The following CUBN variants were observed in gnomAD, a reference collection of about 807,000 sequenced individuals.
CUBN encodes the protein cubilin, also known as 460 kDa receptor.
A neutral mutation model predicts 405.3 loss-of-function variants in CUBN; 282 were observed. That is an observed-to-expected ratio of 0.70 (90% CI 0.63 to 0.77). The LOEUF (loss-of-function observed/expected upper bound fraction) is 0.77, where lower values mean the gene tolerates loss of function less well. Ranked by LOEUF, CUBN falls within the 30% of genes least tolerant of loss-of-function variation. The pLI is 0.00. For missense variants in CUBN, 4,514 were observed against 4,475.2 expected (o/e 1.01, Z -0.25); for synonymous variants, 1,684 against 1,617.0 (o/e 1.04, Z -0.99).
chr10:17,000,944 T>C (rs564330424), intron 28 of CUBN, among the ~76,000 whole-genome samples: 5 of 152,236 alleles, frequency 3.3e-5, no homozygotes, highest in Non-Finnish European at 7.3e-5. Flanking sequence ...GCCACGGACC[T>C]GAACAGTGAG....
chr10:17,055,658 T>C (rs1476843820), intron 22 of CUBN, among the ~76,000 whole-genome samples: 2 of 152,162 alleles, frequency 1.3e-5, no homozygotes, highest in East Asian at 1.9e-4. Flanking sequence ...ATAGCATATA[T>C]AATATGGCAT....
chr10:17,016,659 C>A (rs1834336464), intron 28 of CUBN, among the ~76,000 whole-genome samples: 1 of 152,108 alleles, frequency 6.6e-6, no homozygotes, highest in Non-Finnish European at 1.5e-5. Context: ...CCTTCCCCTA[C>A]AGCTTGAAGG....
In CUBN at chr10:17,084,459, C is replaced by T; in HGVS notation, c.2113G>A (p.Asp705Asn). The change falls in exon 17 of 67, where the codon GAT (aspartate) becomes AAT (asparagine). Residue 705 changes from aspartate (D) to asparagine (N), a missense_variant and splice_region_variant. By Grantham distance (23) the Asp-to-Asn change is conservative. Coordinates refer to ENST00000377833, the MANE Select transcript of CUBN (RefSeq NM_001081.4). ...GTGTAGTTCCCACCACAACGCAGAT[C>T]CGCTAAGAACAGGGAAGAGACGAAC... ...FHITYLTSPS[D>N]LRCGGNYTDP... 1 of 1,612,828 alleles carries T rather than the reference C, an allele frequency of 6.2e-7. No homozygotes were observed. Among genetic ancestry groups the T allele is most frequent in the South Asian group, 1.1e-5 (1 of 90,944 alleles).
chr10:16,894,127 G>T (rs1241426593), intron 54 of CUBN, among the ~76,000 whole-genome samples: 2 of 152,116 alleles, frequency 1.3e-5, no homozygotes, highest in African/African-American at 2.4e-5. Context: ...TTACATAGTA[G>T]TACATTGCCT....
chr10:17,078,862 T>C (rs988584218), intron 17 of CUBN, among the ~76,000 whole-genome samples: 1 of 152,174 alleles, frequency 6.6e-6, no homozygotes, highest in Non-Finnish European at 1.5e-5. Flanking sequence ...GAATTTGTAA[T>C]GTTCTTGATA....
chr10:16,952,936 G>A (rs745963873), intron 32 of CUBN, among the ~76,000 whole-genome samples: 26 of 152,198 alleles, frequency 1.7e-4, no homozygotes, highest in Non-Finnish European at 3.7e-4. Context: ...AGGCCAGGGA[G>A]GGGACTGCCT....
At chr10:17,029,782 T>C (rs1834751007) in intron 27 of CUBN, among the ~76,000 whole-genome samples, 1 of 152,170 alleles carries the variant, frequency 6.6e-6, no homozygotes, top group Admixed American at 6.5e-5. Flanking sequence ...AGACAAAATC[T>C]CATCTGCTTC....
At chr10:16,914,928 GT>G in intron 47 of CUBN, 103 bp downstream of exon 47, 1 of 996,274 alleles carries the variant, frequency 1.0e-6, no homozygotes. Flanking sequence ...GAAAATAGGG[GT>G]CATGTTTTGT....
intron 56 of CUBN, 89 bp from the exon 57 acceptor site, chr10:16,877,186 C>T (rs1840535197): frequency 9.4e-7 from 1 of 1,063,002 alleles, no homozygotes; most frequent in South Asian, 1.4e-5. Context: ...GTGATGATGA[C>T]TCATGCAATT....
chr10:16,897,800 C>T (rs1022169888), intron 54 of CUBN, among the ~76,000 whole-genome samples: 1 of 152,270 alleles, frequency 6.6e-6, no homozygotes, highest in Middle Eastern at 3.4e-3. Flanking sequence ...GTGCTTCCCA[C>T]GGCCACTTAT....
chr10:17,092,670 A>G (rs1325098598), intron 14 of CUBN, among the ~76,000 whole-genome samples: 1 of 152,174 alleles, frequency 6.6e-6, no homozygotes, highest in African/African-American at 2.4e-5. Context: ...GACAGTTTAC[A>G]AATGCCATGG....
chr10:16,828,857 AGT>A lies in CUBN; in HGVS notation c.10710_10711del (p.Tyr3572Ter). On this transcript the variant is annotated frameshift_variant, in exon 66 of 67. Coordinates refer to ENST00000377833, the MANE Select transcript of CUBN (RefSeq NM_001081.4). LOFTEE classifies it high-confidence loss of function. ...AGAGCTGGCGTTGGGCCCATCATAG[AGT>A]GTGAGATAGTTCTGGACACAGTCTC... The A allele has an allele frequency of 3.1e-6, 5 of 1,614,166 alleles. No homozygotes were observed. The highest frequency in any genetic ancestry group is 4.2e-6 in the Non-Finnish European group (5 of 1,180,012).
chr10:16,837,372 C>A (rs759770731), intron 62 of CUBN, among the ~76,000 whole-genome samples: 1 of 152,122 alleles, frequency 6.6e-6, no homozygotes, highest in Non-Finnish European at 1.5e-5. Context: ...CGTCTCAAAG[C>A]TGGTTCTCCT....
At chr10:16,967,878 A>C (rs1387859199) in intron 31 of CUBN, among the ~76,000 whole-genome samples, 2 of 150,782 alleles carry the variant, frequency 1.3e-5, no homozygotes, top group East Asian at 2.0e-4. Flanking sequence ...ACAGGGAGAG[A>C]GAGAGAAGGA....
chr10:16,979,051 GC>G (rs1405650145), intron 31 of CUBN, among the ~76,000 whole-genome samples: 1 of 152,118 alleles, frequency 6.6e-6, no homozygotes, highest in Non-Finnish European at 1.5e-5. Context: ...ACCAGTAATA[GC>G]CAAACAGAAA....
chr10:17,109,012 G>C (rs1479680199), intron 10 of CUBN, among the ~76,000 whole-genome samples: 1 of 152,086 alleles, frequency 6.6e-6, no homozygotes, highest in African/African-American at 2.4e-5. Flanking sequence ...CTATAAAACT[G>C]ACCAAGATGA....
chr10:16,868,324 C>G (rs1840245920), intron 59 of CUBN, among the ~76,000 whole-genome samples: 1 of 152,170 alleles, frequency 6.6e-6, no homozygotes, highest in South Asian at 2.1e-4. Flanking sequence ...TGCCCAATAT[C>G]AAGAAGTTGA....
intron 59 of CUBN, among the ~76,000 whole-genome samples, chr10:16,865,396 A>G (rs1400647587): frequency 1.3e-5 from 2 of 152,130 alleles, no homozygotes; most frequent in African/African-American, 2.4e-5. Context: ...AACCTGACTC[A>G]GTCTCCATGT....
intron 34 of CUBN, among the ~76,000 whole-genome samples, chr10:16,949,462 TGTA>T (rs371194087): frequency 0.089 from 6,318 of 70,828 alleles, 184 homozygotes; most frequent in East Asian, 0.15. Context: ...TGTGTGTGTG[TGTA>T]GTGTGTGTGT....
Sources: gnomAD v4.1 joint callset for allele counts (sites outside exome capture counted in the v4.1 genomes callset) on GRCh38, gnomAD v4.1.1 for gene constraint, MANE v1.5 for transcripts, NCBI Gene and HGNC (gene_info 2026-07-23, HGNC 2026-07-21) for gene names.